Variants in SAXO1 observed in about 807,000 individuals in gnomAD.
SAXO1 encodes the protein stabilizer of axonemal microtubules 1, also known as 4930500O09Rik.
SAXO1 carries 21 observed loss-of-function variants against 17.5 expected under a neutral mutation model. The ratio of observed to expected loss-of-function variants is 1.20; its 90% confidence interval spans 0.85 to 1.72. The LOEUF is 1.72. Among genes scored for constraint, SAXO1 ranks in the 40% most tolerant of loss-of-function variants. The pLI is 0.00. For synonymous variants in SAXO1, 274 were observed against 216.5 expected, an observed-to-expected ratio of 1.27 and a Z score of -2.33; for missense variants, 843 against 596.0, an observed-to-expected ratio of 1.41 and a Z score of -4.32.
At chr9:18,969,303 G>C (rs1011691170) in intron 1 of SAXO1, among the ~76,000 whole-genome samples, 1 of 152,082 alleles carries the variant, frequency 6.6e-6, no homozygotes. Context: ...TTCCCACATG[G>C]CCTTTTAGTG....
intron 1 of SAXO1, among the ~76,000 whole-genome samples, chr9:18,965,080 T>C (rs941584783): frequency 6.6e-6 from 1 of 152,238 alleles, no homozygotes; most frequent in Non-Finnish European, 1.5e-5. Context: ...GTGAGTTTCT[T>C]AATCCCGAGT....
chr9:19,035,158 T>C (rs529465477), upstream of SAXO1, among the ~76,000 whole-genome samples: 4 of 152,340 alleles, frequency 2.6e-5, no homozygotes, highest in East Asian at 5.8e-4. Flanking sequence ...CCATCTGATA[T>C]GGTTTGGTTC....
chr9:18,997,602 G>T (rs908229679), intron 1 of SAXO1, among the ~76,000 whole-genome samples: 2 of 152,246 alleles, frequency 1.3e-5, no homozygotes, highest in East Asian at 3.9e-4. Flanking sequence ...TAGTTCTGAA[G>T]ACAGCAGTGG....
intron 1 of SAXO1, among the ~76,000 whole-genome samples, chr9:19,011,247 C>G (rs1834721549): frequency 6.6e-6 from 1 of 152,130 alleles, no homozygotes; most frequent in Non-Finnish European, 1.5e-5. Context: ...TCTGACTGTC[C>G]CATTTCTCCA....
intron 3 of SAXO1, among the ~76,000 whole-genome samples, chr9:18,941,067 G>T (rs994185933): frequency 6.6e-6 from 1 of 152,032 alleles, no homozygotes; most frequent in Non-Finnish European, 1.5e-5. Flanking sequence ...ATTATAATTT[G>T]TATACTTTTC....
intron 1 of SAXO1, among the ~76,000 whole-genome samples, chr9:18,964,338 A>T (rs937708399): frequency 2.4e-4 from 37 of 152,148 alleles, no homozygotes; most frequent in African/African-American, 8.7e-4. Context: ...ATAGTTTCAG[A>T]AGGAATGGTA....
intron 1 of SAXO1, among the ~76,000 whole-genome samples, chr9:18,975,840 C>A (rs878955951): frequency 6.6e-6 from 1 of 152,088 alleles, no homozygotes; most frequent in Non-Finnish European, 1.5e-5. Flanking sequence ...TTGTGCTGAG[C>A]GAAAAGTGAG....
chr9:18,998,720 T>A (rs1170693394), intron 1 of SAXO1, among the ~76,000 whole-genome samples: 3 of 152,110 alleles, frequency 2.0e-5, no homozygotes, highest in Non-Finnish European at 4.4e-5. Context: ...GAGAGAAAGG[T>A]CAGGTTACCC....
Position 19,009,453 on chromosome 9 carries a change from A to C in SAXO1, c.38+23418T>G, listed in dbSNP as rs535853637. 2.4e-3 allele frequency among the ~76,000 whole-genome samples: 361 copies of C among 152,320 alleles called. 2 individuals are homozygous for C. Among genetic ancestry groups the C allele is most frequent in the African/African-American group, 8.3e-3 (345 of 41,574 alleles). On this transcript the variant is annotated intron_variant, in intron 1 of 3. Coordinates refer to ENST00000380534, the MANE Select transcript of SAXO1 (RefSeq NM_153707.4). ...GAGATATAGCCATGATGATATAAAC[A>C]GCTCAAAAAGAAGCCCCCAAGTTAT...
intron 3 of SAXO1, among the ~76,000 whole-genome samples, chr9:18,932,962 G>C (rs1588397516): frequency 1.3e-5 from 2 of 152,194 alleles, no homozygotes; most frequent in African/African-American, 2.4e-5. Context: ...CATGTTGTCT[G>C]AGAATAAAGA....
intron 1 of SAXO1, among the ~76,000 whole-genome samples, chr9:19,009,968 A>C (rs746285645): frequency 7.2e-5 from 11 of 152,006 alleles, no homozygotes; most frequent in Admixed American, 1.3e-4. Context: ...CAGGAACTAC[A>C]GGTGCATACC....
intron 3 of SAXO1, among the ~76,000 whole-genome samples, chr9:18,930,392 C>A (rs1830989432): frequency 6.6e-6 from 1 of 152,188 alleles, no homozygotes; most frequent in South Asian, 2.1e-4. Flanking sequence ...GCCTTTGAAA[C>A]TGGCTTTGCC....
intron 2 of SAXO1, among the ~76,000 whole-genome samples, chr9:18,947,952 C>A (rs926958568): frequency 1.3e-5 from 2 of 152,186 alleles, no homozygotes; most frequent in Non-Finnish European, 2.9e-5. Flanking sequence ...CCCTGGACCA[C>A]GTGACTTTTT....
intron 1 of SAXO1, chr9:19,027,228 C>T (rs1019239992): frequency 4.1e-5 from 48 of 1,157,402 alleles, no homozygotes; most frequent in African/African-American, 6.0e-5. Context: ...AACCTCTACA[C>T]GACAGACATA....
At chr9:19,004,735 G>T (rs1310754684) in intron 1 of SAXO1, among the ~76,000 whole-genome samples, 1 of 152,174 alleles carries the variant, frequency 6.6e-6, no homozygotes, top group African/African-American at 2.4e-5. Flanking sequence ...GGGGCAAGGG[G>T]AGGGATAGCG....
rs930328448 is a variant in SAXO1 at position 19,049,109 on chromosome 9, G to C, written c.-158+100C>G. On this transcript the variant is annotated intron_variant, in intron 1 of 3. Coordinates refer to the SAXO1 transcript ENST00000542071. This position sits in a 1 kb window ranked among gnomAD's most constrained non-coding sequence, Gnocchi z 5.4. ...CGGCTGCCCCTGCGGAAACCGGCCCGACACACCTCGCTCCTAAAGCCAGTT... is the reference window on the plus strand; with the variant it reads ...CGGCTGCCCCTGCGGAAACCGGCCCCACACACCTCGCTCCTAAAGCCAGTT... 7 of 152,532 alleles carry C rather than the reference G, an allele frequency of 4.6e-5. No homozygotes were observed. Among genetic ancestry groups the C allele is most frequent in the African/African-American group, 1.4e-4 (6 of 41,462 alleles). The allele number at this position is 152,532 out of a possible 1,614,324, so 9.4% of individuals were successfully genotyped here.
intron 1 of SAXO1, among the ~76,000 whole-genome samples, chr9:19,009,323 A>C (rs1834623633): frequency 6.6e-6 from 1 of 152,200 alleles, no homozygotes; most frequent in Admixed American, 6.5e-5. Flanking sequence ...CAACCATCAC[A>C]GCAGAAAATT....
At chr9:19,027,833 C>G (rs1232329250) in intron 1 of SAXO1, 2 of 1,449,344 alleles carry the variant, frequency 1.4e-6, no homozygotes, top group Non-Finnish European at 9.6e-7. Context: ...AGTCACAAAC[C>G]GGGTGGACAT....
At chr9:18,952,997 G>T (rs1019170354) in intron 1 of SAXO1, among the ~76,000 whole-genome samples, 20 of 152,214 alleles carry the variant, frequency 1.3e-4, no homozygotes, top group Admixed American at 1.3e-3. Context: ...CACAGCGGAT[G>T]CATGTTAAAT....
Sources: allele counts gnomAD v4.1 joint callset (sites outside exome capture counted in the v4.1 genomes callset), GRCh38; gene constraint gnomAD v4.1.1; non-coding constraint Gnocchi (gnomAD v3.1); transcripts MANE v1.5; gene names NCBI Gene and HGNC (gene_info 2026-07-23, HGNC 2026-07-21).